The following POFUT2 variants were observed in gnomAD, a reference collection of about 807,000 sequenced individuals.
POFUT2 encodes GDP-fucose protein O-fucosyltransferase 2.
POFUT2 carries 30 observed loss-of-function variants against 55.0 expected under a neutral mutation model. The ratio of observed to expected loss-of-function variants is 0.55; its 90% CI spans 0.41 to 0.74. The LOEUF (loss-of-function observed/expected upper bound fraction) is 0.74, where lower values mean the gene tolerates loss of function less well. Among genes scored for constraint, POFUT2 ranks in the 30% least tolerant of loss-of-function variants. The probability of loss-of-function intolerance (pLI) is 0.00; values close to 1 mark genes in which losing one functional copy is unlikely to be tolerated. For missense variants in POFUT2, 524 were observed against 562.6 expected, an observed-to-expected ratio of 0.93 and a Z score of 0.69; for synonymous variants, 267 against 231.1, an observed-to-expected ratio of 1.16 and a Z score of -1.41.
rs1291510748 is a variant in POFUT2, at chr21:45,282,850, C to A, written c.528-391G>T. Reference sequence around the variant, plus strand: ...TGCCCTGGCACTGGACACATGGAGGCTGTTAACTGACAGCTTTTCCACAGG... The same window carrying A: ...TGCCCTGGCACTGGACACATGGAGGATGTTAACTGACAGCTTTTCCACAGG... On this transcript the variant is annotated intron_variant, in intron 3 of 8. Coordinates refer to ENST00000349485, the MANE Select transcript of POFUT2 (RefSeq NM_133635.6). The surrounding 1 kb of genome is among the most constrained non-coding windows in gnomAD (Gnocchi z 4.6). The A allele has an allele frequency of 2.1e-6, 1 of 481,098 alleles. No homozygotes were observed. The highest frequency in any genetic ancestry group is 2.0e-5 in the African/African-American group (1 of 50,562). The allele number at this position is 481,098 out of a possible 1,614,324, so 29.8% of individuals were successfully genotyped here.
Position 45,265,382 on chromosome 21 carries a change from C to G in POFUT2, c.*100G>C, listed in dbSNP as rs961162399. ...GGACCCTGCGAGGGACGGTCCTGTC[C>G]GCCCAGCTCCCGGCTGGCAGTAGAC... On this transcript the variant is annotated 3_prime_UTR_variant, in exon 9 of 9. Coordinates refer to ENST00000349485, the MANE Select transcript of POFUT2 (RefSeq NM_133635.6). This position sits in a 1 kb window ranked among gnomAD's most constrained non-coding sequence, Gnocchi z 4.6. The G allele has an allele frequency of 3.5e-6, 4 of 1,135,978 alleles. No individual in the cohort carries two copies. In the African/African-American group the frequency reaches 6.2e-5, roughly 18 times the overall value. The allele number at this position is 1,135,978 out of a possible 1,614,324, so 70.4% of individuals were successfully genotyped here. A position where few individuals can be genotyped will look rare whatever the true frequency, so the allele number is the denominator to read the frequency against.
chr21:45,283,283 A>C, intron 3 of POFUT2, 100 bp downstream of exon 3: 2 of 402,538 alleles, frequency 5.0e-6, no homozygotes, highest in Non-Finnish European at 8.5e-6. Context: ...GGTGGTGGGG[A>C]GGAGTGGGCG....
Position 45,285,747 on chromosome 21 carries a change from A to C in POFUT2, c.313T>G (p.Ser105Ala), listed in dbSNP as rs549865732. The C allele has an allele frequency of 1.2e-6, 2 of 1,613,866 alleles. No individual in the cohort carries two copies. The highest frequency in any genetic ancestry group is 2.2e-5 in the South Asian group (2 of 91,078). ...PDIHQVRIPW[S>A]EFFDLPSLNK... is the part of the protein sequence containing the mutation. The stretch of plus-strand genomic sequence containing the variant: ...AGACTTGGAAGATCAAAAAACTCAG[A>C]CCAGGGAATCCGGACCTGGTGGATG... The change falls in exon 2 of 9, where the codon TCT (serine) becomes GCT (alanine). Residue 105 changes from serine to alanine, a missense_variant. Coordinates refer to ENST00000349485, the MANE Select transcript of POFUT2 (RefSeq NM_133635.6). This position sits in a 1 kb window ranked among gnomAD's most constrained non-coding sequence, Gnocchi z 4.9.
chr21:45,282,172 C>T lies in POFUT2; in HGVS notation c.638+177G>A, dbSNP rs1215501659. On this transcript the variant is annotated intron_variant, in intron 4 of 8. Coordinates refer to ENST00000349485, the MANE Select transcript of POFUT2 (RefSeq NM_133635.6). This position sits in a 1 kb window ranked among gnomAD's most constrained non-coding sequence, Gnocchi z 4.6. Reference sequence around the variant, plus strand: ...ACCCACTGCACCCACTGGGCTGTTTCGCAGAGACACATGCAAGCACTTCCC... The same window carrying T: ...ACCCACTGCACCCACTGGGCTGTTTTGCAGAGACACATGCAAGCACTTCCC... Among the ~76,000 whole-genome samples the T allele has an allele frequency of 1.3e-5, 2 of 152,158 alleles. No homozygotes were observed. Among genetic ancestry groups the T allele is most frequent in the African/African-American group, 4.8e-5 (2 of 41,436 alleles).
At position 45,285,729 on chromosome 21, in the gene POFUT2, G is replaced by A; in HGVS notation, c.331C>T (p.Pro111Ser). 6.2e-7 allele frequency: 1 copy of A among 1,613,808 alleles called. No homozygotes were observed. The stretch of plus-strand genomic sequence containing the variant: ...ACGGGGATGTTTTTATTGAGACTTG[G>A]AAGATCAAAAAACTCAGACCAGGGA... ...RIPWSEFFDL[P>S]SLNKNIPVIE... The change falls in exon 2 of 9, where the codon CCA (proline) becomes TCA (serine). Residue 111 changes from proline to serine, a missense_variant. Physicochemically the swap from Pro to Ser is moderately conservative, Grantham distance 74. Coordinates refer to ENST00000349485, the MANE Select transcript of POFUT2 (RefSeq NM_133635.6). This position sits in a 1 kb window ranked among gnomAD's most constrained non-coding sequence, Gnocchi z 4.9.
chr21:45,278,624 A>G (rs1487525485), intron 4 of POFUT2, among the ~76,000 whole-genome samples: 1 of 152,204 alleles, frequency 6.6e-6, no homozygotes, highest in African/African-American at 2.4e-5. Flanking sequence ...GTTCCGTGGT[A>G]GAGACGCCAT....
chr21:45,287,639 C>T lies in POFUT2; in HGVS notation c.131+102G>A, dbSNP rs572217409. Reference sequence around the variant, plus strand: ...CATCCCGTGGGCCTGCCCCTGACCCCATCCCATCTCCCTGGCCCCTGACCC... The same window carrying T: ...CATCCCGTGGGCCTGCCCCTGACCCTATCCCATCTCCCTGGCCCCTGACCC... On this transcript the variant is annotated intron_variant, in intron 1 of 8. Transcript: ENST00000349485. The T allele has an allele frequency of 1.3e-3, 1,514 of 1,161,454 alleles. 32 individuals are homozygous for T. The African/African-American group carries it at 0.024, about 18-fold the overall frequency. The allele number at this position is 1,161,454 out of a possible 1,614,324, so 71.9% of individuals were successfully genotyped here.
At position 45,281,181 on chromosome 21, in the gene POFUT2, C is replaced by T. The variant is rs975396111; in HGVS notation, c.638+1168G>A. Among the ~76,000 whole-genome samples, 2 of 152,148 alleles carry T rather than the reference C, an allele frequency of 1.3e-5. No homozygotes were observed. The highest frequency in any genetic ancestry group is 1.5e-5 in the Non-Finnish European group (1 of 68,024). On this transcript the variant is annotated intron_variant, in intron 4 of 8. Transcript: ENST00000349485. The surrounding 1 kb of genome is among the most constrained non-coding windows in gnomAD (Gnocchi z 5.0). ...TTTTCCCCCTGCTCCCCGGCAGAAG[C>T]GTTTCTCCTAAATCAGGACCATCTA...
Position 45,267,410 on chromosome 21 carries a change from C to G in POFUT2, c.1136+180G>C. On this transcript the variant is annotated intron_variant, in intron 8 of 8. Transcript: ENST00000349485. This position sits in a 1 kb window ranked among gnomAD's most constrained non-coding sequence, Gnocchi z 4.4. Reference sequence around the variant, plus strand: ...CTAAAGGGGCAAGATGAACAATTAACTTCAGCCCAGGGAAACACTGAACCA... The same window carrying G: ...CTAAAGGGGCAAGATGAACAATTAAGTTCAGCCCAGGGAAACACTGAACCA... 6.2e-7 allele frequency: 1 copy of G among 1,607,258 alleles called. No homozygotes were observed. The highest frequency in any genetic ancestry group is 8.5e-7 in the Non-Finnish European group (1 of 1,175,322).
rs1364127274 is a variant in POFUT2 at position 45,281,077 on chromosome 21, AC to A, written c.638+1271del. On this transcript the variant is annotated intron_variant, in intron 4 of 8. Transcript: ENST00000349485. The surrounding 1 kb of genome is among the most constrained non-coding windows in gnomAD (Gnocchi z 5.0). ...GCTTCACCTTCCCATTAGGGCTTTA[AC>A]CCCCGGAAGAGACTTTCCCTGGGTG... 6.6e-6 allele frequency among the ~76,000 whole-genome samples: 1 copy of A among 151,976 alleles called. No homozygotes were observed. Among genetic ancestry groups the A allele is most frequent in the Admixed American group, 6.6e-5 (1 of 15,256 alleles).
chr21:45,275,142 C>T (rs1041516065), intron 6 of POFUT2, among the ~76,000 whole-genome samples: 1 of 152,116 alleles, frequency 6.6e-6, no homozygotes, highest in Non-Finnish European at 1.5e-5. Context: ...TCTCAAGATA[C>T]ACAAATGGCC....
chr21:45,285,433 A>G lies in POFUT2; in HGVS notation c.382+245T>C, dbSNP rs2031281498. ...TAAGGGCGGCTCTAACTGAGGGGGC[A>G]CAAAGCTCATCCACTTCAGGTCCAT... On this transcript the variant is annotated intron_variant, in intron 2 of 8. Coordinates refer to ENST00000349485, the MANE Select transcript of POFUT2 (RefSeq NM_133635.6). The surrounding 1 kb of genome is among the most constrained non-coding windows in gnomAD (Gnocchi z 4.9). 1 of 534,708 alleles carries G rather than the reference A, an allele frequency of 1.9e-6. No individual in the cohort carries two copies. The highest frequency in any genetic ancestry group is 3.5e-6 in the Non-Finnish European group (1 of 284,456). The allele number at this position is 534,708 out of a possible 1,614,324, so 33.1% of individuals were successfully genotyped here. A position where few individuals can be genotyped will look rare whatever the true frequency, so the allele number is the denominator to read the frequency against.
rs2029940582 is a variant in POFUT2, at chr21:45,277,571, A to T, written c.706-429T>A. ...CGTGAGCAGGGACTGTGTCTCCTGCAGGCAGGTTCCGGCTTTACAAGCTGC... is the reference window on the plus strand; with the variant it reads ...CGTGAGCAGGGACTGTGTCTCCTGCTGGCAGGTTCCGGCTTTACAAGCTGC... On this transcript the variant is annotated intron_variant, in intron 5 of 8. Transcript: ENST00000349485. The surrounding 1 kb of genome is among the most constrained non-coding windows in gnomAD (Gnocchi z 6.9). 4.5e-6 allele frequency: 1 copy of T among 224,008 alleles called. No homozygotes were observed. The highest frequency in any genetic ancestry group is 8.9e-6 in the Non-Finnish European group (1 of 111,750). 13.9% of individuals were successfully genotyped at this position (224,008 alleles called of 1,614,324 possible). A position where few individuals can be genotyped will look rare whatever the true frequency, so the allele number is the denominator to read the frequency against.
chr21:45,273,293 A>G (rs1239803725), intron 6 of POFUT2, among the ~76,000 whole-genome samples: 2 of 152,230 alleles, frequency 1.3e-5, no homozygotes, highest in African/African-American at 2.4e-5. Flanking sequence ...TCAAGAGGAT[A>G]AATTCCTGGA....
chr21:45,285,475 G>A lies in POFUT2; in HGVS notation c.382+203C>T, dbSNP rs1208676150. Reference sequence around the variant, plus strand: ...CAGGTCCATTTCCGAGAAACATTTTGGGAAGCTCACTGCAGCGTGGGAAAG... The same window carrying A: ...CAGGTCCATTTCCGAGAAACATTTTAGGAAGCTCACTGCAGCGTGGGAAAG... On this transcript the variant is annotated intron_variant, in intron 2 of 8. Coordinates refer to ENST00000349485, the MANE Select transcript of POFUT2 (RefSeq NM_133635.6). The surrounding 1 kb of genome is among the most constrained non-coding windows in gnomAD (Gnocchi z 4.9). The A allele has an allele frequency of 1.5e-6, 1 of 664,782 alleles. No homozygotes were observed. Among genetic ancestry groups the A allele is most frequent in the Admixed American group, 2.1e-5 (1 of 46,886 alleles). 41.2% of individuals were successfully genotyped at this position (664,782 alleles called of 1,614,324 possible). A position where few individuals can be genotyped will look rare whatever the true frequency, so the allele number is the denominator to read the frequency against.
At chr21:45,274,500 C>T (rs918563646) in intron 6 of POFUT2, among the ~76,000 whole-genome samples, 1 of 152,060 alleles carries the variant, frequency 6.6e-6, no homozygotes, top group Non-Finnish European at 1.5e-5. Context: ...CCTACATAGC[C>T]AAAGCAAAAC....
In POFUT2 at chr21:45,265,470, G is replaced by A. The variant is rs1475511770; in HGVS notation, c.*12C>T. On this transcript the variant is annotated 3_prime_UTR_variant, in exon 9 of 9. Transcript: ENST00000349485. This position sits in a 1 kb window ranked among gnomAD's most constrained non-coding sequence, Gnocchi z 4.6. ...CCTGTCGGGTCCGGGGAGCGGCCCT[G>A]GAGGATCCTCCTCAGTAGGTGATCT... 1.9e-6 allele frequency: 3 copies of A among 1,607,554 alleles called. No individual in the cohort carries two copies. Among genetic ancestry groups the A allele is most frequent in the Non-Finnish European group, 2.5e-6 (3 of 1,177,254 alleles).
At position 45,282,511 on chromosome 21, in the gene POFUT2, G is replaced by A. The variant is rs759805969; in HGVS notation, c.528-52C>T. ...TATCAGTTTATTTTGCTTTCACAAG[G>A]AAAACAAATCAAGTCTAGACACGCA... On this transcript the variant is annotated intron_variant, in intron 3 of 8. Transcript: ENST00000349485. This position sits in a 1 kb window ranked among gnomAD's most constrained non-coding sequence, Gnocchi z 4.6. 6.8e-5 allele frequency: 76 copies of A among 1,114,674 alleles called. No homozygotes were observed. Among genetic ancestry groups the A allele is most frequent in the Non-Finnish European group, 1.0e-4 (73 of 733,296 alleles). The allele number at this position is 1,114,674 out of a possible 1,614,324, so 69.0% of individuals were successfully genotyped here.
chr21:45,283,311 G>T (rs1420081354), intron 3 of POFUT2, 72 bp downstream of exon 3: 5 of 740,442 alleles, frequency 6.8e-6, no homozygotes, highest in Admixed American at 6.1e-5. Context: ...CCTGAGGCGG[G>T]GGGGGGGGGA....
Sources: allele counts gnomAD v4.1 joint callset (sites outside exome capture counted in the v4.1 genomes callset), GRCh38; gene constraint gnomAD v4.1.1; non-coding constraint Gnocchi (gnomAD v3.1); transcripts MANE v1.5; gene names NCBI Gene and HGNC (gene_info 2026-07-23, HGNC 2026-07-21).